The following PLEKHA6 variants were observed in gnomAD, a reference collection of about 807,000 sequenced individuals.
The protein encoded by PLEKHA6 is pleckstrin homology domain containing A6.
In PLEKHA6, 60 loss-of-function variants were observed where a neutral mutation model predicts 116.7. The observed-to-expected ratio is 0.51, with a 90% CI of 0.42 to 0.64. The LOEUF (loss-of-function observed/expected upper bound fraction) is 0.64. Among genes scored for constraint, PLEKHA6 ranks in the 30% least tolerant of loss-of-function variants. The pLI, the probability that PLEKHA6 is intolerant of heterozygous loss-of-function variation, is 0.00. For missense variants in PLEKHA6, 1,338 were observed against 1,422.7 expected, an observed-to-expected ratio of 0.94 and a Z score of 0.96; for synonymous variants, 489 against 556.1, an observed-to-expected ratio of 0.88 and a Z score of 1.70.
chr1:204,297,818 G>A (rs902447907), intron 1 of PLEKHA6: 1 of 837,490 alleles, frequency 1.2e-6, no homozygotes, highest in Non-Finnish European at 1.4e-6. Flanking sequence ...TCTTATCAGA[G>A]ATCCAAAAGG....
At chr1:204,311,727 T>G in intron 1 of PLEKHA6, 1 of 893,120 alleles carries the variant, frequency 1.1e-6, no homozygotes, top group Non-Finnish European at 1.3e-6. Context: ...TTGAATATAA[T>G]TCCTTTTCCT....
Position 204,265,791 on chromosome 1 carries a change from AGTG to A in PLEKHA6, c.281-752_281-750del, listed in dbSNP as rs200334133. Reference sequence around the variant, plus strand: ...GGTTCTATGTCTCCACAGGAAAAGGAGTGCTCCCTGCATGGAGTGCTCTGGCCC... The same window carrying A: ...GGTTCTATGTCTCCACAGGAAAAGGACTCCCTGCATGGAGTGCTCTGGCCC... On this transcript the variant is annotated intron_variant, in intron 5 of 22. Transcript: ENST00000272203. 9.2e-3 allele frequency among the ~76,000 whole-genome samples: 1,398 copies of A among 152,320 alleles called. 23 individuals are homozygous for A. The highest frequency in any genetic ancestry group is 0.032 in the African/African-American group (1,322 of 41,556).
intron 15 of PLEKHA6, among the ~76,000 whole-genome samples, chr1:204,242,820 G>A (rs867073064): frequency 6.6e-6 from 1 of 152,232 alleles, no homozygotes; most frequent in African/African-American, 2.4e-5. Context: ...TTGGTAGGGA[G>A]TGGGGCTTAA....
chr1:204,257,591 C>A lies in PLEKHA6; in HGVS notation c.1286G>T (p.Arg429Leu). The A allele has an allele frequency of 6.2e-7, 1 of 1,608,530 alleles. No homozygotes were observed. Among genetic ancestry groups the A allele is most frequent in the Non-Finnish European group, 8.5e-7 (1 of 1,177,670 alleles). Residue 429 changes from arginine (R) to leucine (L), a missense_variant, in exon 9 of 23, where the codon CGG (arginine) becomes CTG (leucine). This residue lies in a region of PLEKHA6 where 1,136 missense variants were observed against 1,163.6 expected (regional missense o/e 0.98). Transcript: ENST00000272203. The surrounding 1 kb of genome is among the most constrained non-coding windows in gnomAD (Gnocchi z 6.5). ...CAGCTCATCATAATAGACTGGCTGC[C>A]GGGAGGGGCTTGGGATCCAGACGGT... ...DATVWIPSPS[R>L]QPVYYDELDA...
At chr1:204,296,969 T>G (rs926884886) in intron 1 of PLEKHA6, 21 of 249,850 alleles carry the variant, frequency 8.4e-5, no homozygotes, top group Admixed American at 3.2e-4. Flanking sequence ...TTATGCAATT[T>G]GACCTGAAGA....
At chr1:204,280,325 C>G (rs749024676) in intron 1 of PLEKHA6, 1 of 985,408 alleles carries the variant, frequency 1.0e-6, no homozygotes, top group Non-Finnish European at 1.2e-6. Flanking sequence ...CCAAGTTTCA[C>G]GATCTTTTGC....
Position 204,219,576 on chromosome 1 carries a change from G to C in PLEKHA6, c.*3212C>G, listed in dbSNP as rs1168445821. The C allele has an allele frequency of 6.6e-6, 1 of 152,170 alleles. No homozygotes were observed. The highest frequency in any genetic ancestry group is 1.5e-5 in the Non-Finnish European group (1 of 68,038). The allele number at this position is 152,170 out of a possible 1,614,324, so 9.4% of individuals were successfully genotyped here. ...CCCCCATCTGGGCTCTGTTCATTCA[G>C]AGCAGGATGTTCTAGGCTGGCGACA... On this transcript the variant is annotated 3_prime_UTR_variant, in exon 23 of 23. Coordinates refer to ENST00000272203, the MANE Select transcript of PLEKHA6 (RefSeq NM_014935.5).
At chr1:204,294,954 A>G (rs1267856403) in intron 1 of PLEKHA6, among the ~76,000 whole-genome samples, 3 of 152,142 alleles carry the variant, frequency 2.0e-5, no homozygotes, top group African/African-American at 7.2e-5. Context: ...AAAACCCCTC[A>G]CCACTTTGAC....
chr1:204,285,430 G>T (rs911644249), intron 1 of PLEKHA6, among the ~76,000 whole-genome samples: 23 of 151,606 alleles, frequency 1.5e-4, no homozygotes, highest in African/African-American at 4.8e-4. Context: ...GTTTTTTTGG[G>T]TTTTTTGTTG....
chr1:204,237,206 C>T (rs975351112), intron 17 of PLEKHA6, among the ~76,000 whole-genome samples: 1 of 152,120 alleles, frequency 6.6e-6, no homozygotes, highest in Non-Finnish European at 1.5e-5. Flanking sequence ...CCAGACTCAT[C>T]CTATGGTCAT....
At chr1:204,237,258 G>A (rs1487312895) in intron 17 of PLEKHA6, among the ~76,000 whole-genome samples, 1 of 152,196 alleles carries the variant, frequency 6.6e-6, no homozygotes, top group Non-Finnish European at 1.5e-5. Flanking sequence ...GATATACTTA[G>A]CAGCTGGAAG....
chr1:204,300,927 G>C (rs1184946937), intron 1 of PLEKHA6, among the ~76,000 whole-genome samples: 1 of 152,196 alleles, frequency 6.6e-6, no homozygotes, highest in Non-Finnish European at 1.5e-5. Context: ...TGAAAGTTTT[G>C]TCCTAACTGG....
chr1:204,293,840 C>T (rs1368725815), intron 1 of PLEKHA6, among the ~76,000 whole-genome samples: 4 of 152,140 alleles, frequency 2.6e-5, no homozygotes, highest in Non-Finnish European at 1.5e-5. Flanking sequence ...GGATCCTGTG[C>T]TCTTTAAGAA....
chr1:204,348,833 G>C (rs1673171767), intron 1 of PLEKHA6, among the ~76,000 whole-genome samples: 1 of 151,694 alleles, frequency 6.6e-6, no homozygotes, highest in Non-Finnish European at 1.5e-5. Flanking sequence ...AATGAGAAAC[G>C]GGCTTCTCTG....
intron 2 of PLEKHA6, 83 bp from the exon 3 acceptor site, chr1:204,273,823 C>T (rs1420563349): frequency 1.1e-6 from 1 of 929,784 alleles, no homozygotes; most frequent in African/African-American, 1.6e-5. Flanking sequence ...CACACCCTGC[C>T]ACCCACTGTT....
At chr1:204,374,741 C>T (rs1673836615) in intron 1 of PLEKHA6, among the ~76,000 whole-genome samples, 1 of 152,172 alleles carries the variant, frequency 6.6e-6, no homozygotes, top group African/African-American at 2.4e-5. Context: ...CTGCCTCCCA[C>T]TCAATGCCAT....
At chr1:204,318,099 A>G (rs1449956430) in intron 1 of PLEKHA6, among the ~76,000 whole-genome samples, 1 of 152,182 alleles carries the variant, frequency 6.6e-6, no homozygotes, top group Admixed American at 6.5e-5. Flanking sequence ...TGGGGAAAAA[A>G]CTGAAAGTCA....
intron 1 of PLEKHA6, among the ~76,000 whole-genome samples, chr1:204,305,668 T>C (rs1283366781): frequency 1.2e-4 from 18 of 152,160 alleles, no homozygotes; most frequent in Admixed American, 1.2e-3. Flanking sequence ...TATGACACTC[T>C]TTTGGCCAAA....
intron 1 of PLEKHA6, among the ~76,000 whole-genome samples, chr1:204,355,161 G>A (rs776911583): frequency 6.6e-6 from 1 of 152,204 alleles, no homozygotes; most frequent in Non-Finnish European, 1.5e-5. Context: ...GGAGAGAGAC[G>A]ATTATACCTG....
Sources: gnomAD v4.1 joint callset for allele counts (sites outside exome capture counted in the v4.1 genomes callset) on GRCh38, gnomAD v4.1.1 for gene constraint, gnomAD v4.1.1 regional missense constraint, Gnocchi (gnomAD v3.1) non-coding constraint, MANE v1.5 for transcripts, NCBI Gene and HGNC (gene_info 2026-07-23, HGNC 2026-07-21) for gene names.